The following ITGA1 variants were observed in gnomAD, a reference collection of about 807,000 sequenced individuals.
ITGA1 encodes the protein integrin alpha-1.
ITGA1 carries 85 observed loss-of-function variants against 145.9 expected under a neutral mutation model. The ratio of observed to expected loss-of-function variants is 0.58; its 90% CI spans 0.49 to 0.70. ITGA1 has a LOEUF of 0.70. ITGA1 is among the 30% of genes least tolerant of loss of function. The pLI, the probability that ITGA1 is intolerant of heterozygous loss-of-function variation, is 0.00. For missense variants in ITGA1, 1,351 were observed against 1,418.7 expected (o/e 0.95, Z 0.77); for synonymous variants, 520 against 495.3 (o/e 1.05, Z -0.66).
intron 1 of ITGA1, chr5:52,801,597 C>T: frequency 2.5e-6 from 4 of 1,613,910 alleles, no homozygotes; most frequent in Non-Finnish European, 3.4e-6. Context: ...CCAATGAAGC[C>T]ATGGCAATTG....
Position 52,801,973 on chromosome 5 carries a change from A to G in ITGA1, c.61+13559A>G. On this transcript the variant is annotated intron_variant, in intron 1 of 28. Coordinates refer to ENST00000282588, the MANE Select transcript of ITGA1 (RefSeq NM_181501.2). ...ACAGGGATTTCTTATGTCTTTGGCT[A>G]CACTAGATATTTTGTGATTGGCAAG... is the stretch of plus-strand genomic sequence containing the variant. The G allele has an allele frequency of 6.4e-6, 4 of 627,906 alleles. No individual in the cohort carries two copies. The Admixed American group carries it at 1.3e-4, about 20-fold the overall frequency. 38.9% of individuals were successfully genotyped at this position (627,906 alleles called of 1,614,324 possible).
chr5:52,828,189 T>C (rs1749000165), intron 1 of ITGA1, among the ~76,000 whole-genome samples: 1 of 152,210 alleles, frequency 6.6e-6, no homozygotes, highest in Non-Finnish European at 1.5e-5. Flanking sequence ...TGTTGACTTG[T>C]AGGGCAACTC....
chr5:52,846,790 C>T (rs1388974215), intron 1 of ITGA1, among the ~76,000 whole-genome samples: 1 of 152,142 alleles, frequency 6.6e-6, no homozygotes, highest in East Asian at 1.9e-4. Context: ...CTTGCAGAGA[C>T]CCTCCCAAAT....
chr5:52,953,282 T>C lies in ITGA1; in HGVS notation c.*831T>C, dbSNP rs1411497446. ...GAAAAGCCATATATGGGGGACATGC[T>C]AAAATGGCTTCTGAATGAAATACGA... On this transcript the variant is annotated 3_prime_UTR_variant, in exon 29 of 29. Transcript: ENST00000282588. The C allele has an allele frequency of 6.6e-6, 1 of 152,168 alleles. No individual in the cohort carries two copies. Among genetic ancestry groups the C allele is most frequent in the Admixed American group, 6.5e-5 (1 of 15,270 alleles). 9.4% of individuals were successfully genotyped at this position (152,168 alleles called of 1,614,324 possible).
chr5:52,884,117 G>A (rs2860365), intron 7 of ITGA1, among the ~76,000 whole-genome samples: 88,568 of 151,952 alleles, frequency 0.58, 26,204 homozygotes, highest in African/African-American at 0.68. Context: ...AACATGTAAC[G>A]TCTGTTTTCA....
intron 1 of ITGA1, among the ~76,000 whole-genome samples, chr5:52,819,089 T>C (rs1418258909): frequency 6.6e-6 from 1 of 152,204 alleles, no homozygotes; most frequent in Non-Finnish European, 1.5e-5. Context: ...CTATTGTGAA[T>C]AGTGCCGCAA....
intron 14 of ITGA1, among the ~76,000 whole-genome samples, chr5:52,912,433 TTATA>T (rs1036101326): frequency 5.5e-5 from 8 of 146,138 alleles, no homozygotes; most frequent in African/African-American, 9.9e-5. Flanking sequence ...ACTATAGGTA[TTATA>T]TATAGTGTAT....
chr5:52,831,544 A>G (rs1438102834), intron 1 of ITGA1, among the ~76,000 whole-genome samples: 1 of 151,680 alleles, frequency 6.6e-6, no homozygotes, highest in Non-Finnish European at 1.5e-5. Context: ...AAAAGAAAAA[A>G]AAACTCTAGA....
intron 16 of ITGA1, among the ~76,000 whole-genome samples, chr5:52,919,843 TA>T (rs1750705336): frequency 6.6e-6 from 1 of 152,170 alleles, no homozygotes; most frequent in African/African-American, 2.4e-5. Context: ...TGAACCTTAA[TA>T]GTGGTTTGAC....
intron 18 of ITGA1, among the ~76,000 whole-genome samples, chr5:52,923,992 T>G (rs1030763062): frequency 3.3e-4 from 50 of 152,128 alleles, no homozygotes; most frequent in African/African-American, 1.2e-3. Flanking sequence ...GGGACTGAGT[T>G]GTGTTCACTT....
intron 8 of ITGA1, among the ~76,000 whole-genome samples, chr5:52,892,085 A>G (rs955711630): frequency 6.6e-6 from 1 of 152,160 alleles, no homozygotes; most frequent in East Asian, 1.9e-4. Context: ...TGCAAAACAC[A>G]TAAAGGACTT....
chr5:52,947,221 G>A, intron 27 of ITGA1, 124 bp from the exon 28 acceptor site: 1 of 611,218 alleles, frequency 1.6e-6, no homozygotes, highest in Non-Finnish European at 2.9e-6. Context: ...TAAATCTAAT[G>A]TTTTCTCATT....
intron 1 of ITGA1, among the ~76,000 whole-genome samples, chr5:52,819,095 C>T (rs556540178): frequency 5.3e-5 from 8 of 152,144 alleles, no homozygotes; most frequent in African/African-American, 1.7e-4. Context: ...TGAATAGTGC[C>T]GCAATAAACA....
intron 1 of ITGA1, among the ~76,000 whole-genome samples, chr5:52,813,207 T>A (rs1748711821): frequency 6.6e-6 from 1 of 152,066 alleles, no homozygotes; most frequent in Admixed American, 6.6e-5. Flanking sequence ...CCACAGAAAC[T>A]CATCCCTGAA....
intron 11 of ITGA1, chr5:52,904,916 T>G (rs148998065): frequency 6.7e-6 from 1 of 150,364 alleles, no homozygotes; most frequent in Non-Finnish European, 1.5e-5. Context: ...CTGTGTTGAA[T>G]AAAGTCACAT....
chr5:52,886,753 A>G (rs1011322134), intron 7 of ITGA1, among the ~76,000 whole-genome samples: 2 of 152,098 alleles, frequency 1.3e-5, no homozygotes, highest in African/African-American at 2.4e-5. Context: ...GTGCTGTTCA[A>G]TTAAATTCAA....
In ITGA1 at chr5:52,920,869, A is replaced by C. The variant is rs73754066; in HGVS notation, c.2292+401A>C. ...AAGTGATTAACTGCTCTGGGGGCAG[A>C]CTGCTGGGCTGTATGCTTTCTGGGA... On this transcript the variant is annotated intron_variant, in intron 17 of 28. Transcript: ENST00000282588. 5.6e-3 allele frequency among the ~76,000 whole-genome samples: 854 copies of C among 152,310 alleles called. 10 individuals carry two copies. Among genetic ancestry groups the C allele is most frequent in the African/African-American group, 0.018 (764 of 41,568 alleles).
At chr5:52,849,977 A>G (rs1749403114) in intron 2 of ITGA1, among the ~76,000 whole-genome samples, 1 of 149,446 alleles carries the variant, frequency 6.7e-6, no homozygotes, top group African/African-American at 2.5e-5. Flanking sequence ...ACCCTTTAAT[A>G]TTGGTTAAGT....
At chr5:52,915,071 T>C (rs923252769) in intron 14 of ITGA1, among the ~76,000 whole-genome samples, 20 of 152,328 alleles carry the variant, frequency 1.3e-4, no homozygotes, top group African/African-American at 4.1e-4. Context: ...GACAATATTA[T>C]ACTCCCCTCC....
Sources: allele counts gnomAD v4.1 joint callset (sites outside exome capture counted in the v4.1 genomes callset), GRCh38; gene constraint gnomAD v4.1.1; transcripts MANE v1.5; gene names NCBI Gene and HGNC (gene_info 2026-07-23, HGNC 2026-07-21).